Variants in MTM1 observed in about 807,000 individuals in gnomAD.
MTM1 encodes myotubularin 1, also known as myotubularin.
MTM1 carries 9 observed loss-of-function variants against 52.1 expected under a neutral mutation model. The observed-to-expected ratio is 0.17, with a 90% CI of 0.10 to 0.30. The LOEUF is 0.30. Ranked by LOEUF, MTM1 falls within the 10% of genes least tolerant of loss-of-function variation. MTM1 has a pLI of 1.00. For synonymous variants in MTM1, 136 were observed against 163.8 expected (o/e 0.83, Z 1.29); for missense variants, 277 against 470.7 (o/e 0.59, Z 3.81).
At chrX:150,623,450 C>T (rs180770815) in intron 6 of MTM1, among the ~76,000 whole-genome samples, 1 of 109,676 alleles carries the variant, frequency 9.1e-6, no homozygotes, top group Non-Finnish European at 1.9e-5. Context: ...CTCGGGGTGA[C>T]GGGGACAAAC....
In MTM1 at chrX:150,660,392, A is replaced by C; in HGVS notation, c.1375A>C (p.Asn459His). The change falls in exon 13 of 15, where the codon AAT becomes CAT. Residue 459 changes from asparagine (N) to histidine (H), a missense_variant. By Grantham distance (68) the Asn-to-His change is moderately conservative (BLOSUM62 1). Transcript: ENST00000370396. ...TTAGTTCCCTACAGCTTTTGAATTC[A>C]ATGAACAATTTTTGATTATAATTTT... ...SKQFPTAFEFNEQFLIIILDH... is the reference protein window; with the variant it reads ...SKQFPTAFEFHEQFLIIILDH... The C allele has an allele frequency of 8.4e-7, 1 of 1,194,359 alleles. No homozygotes were observed. Among genetic ancestry groups the C allele is most frequent in the Non-Finnish European group, 1.1e-6 (1 of 879,769 alleles).
chrX:150,606,663 A>T (rs1191137326), intron 4 of MTM1, among the ~76,000 whole-genome samples: 1 of 111,040 alleles, frequency 9.0e-6, no homozygotes, highest in Non-Finnish European at 1.9e-5. Flanking sequence ...TTATTTTCCA[A>T]AGTGAATCCC....
intron 1 of MTM1, among the ~76,000 whole-genome samples, chrX:150,581,526 G>A (rs141564582): frequency 9.6e-4 from 107 of 111,814 alleles, no homozygotes; most frequent in Middle Eastern, 9.3e-3. Context: ...CACAGACATG[G>A]ATTTCAGGGG....
At chrX:150,598,558 C>T (rs781856146) in intron 3 of MTM1, 34 bp from the exon 4 acceptor site, 1 of 871,640 alleles carries the variant, frequency 1.1e-6, no homozygotes, top group South Asian at 2.0e-5. Flanking sequence ...GTATCTATTT[C>T]CATTATTTTA....
intron 6 of MTM1, among the ~76,000 whole-genome samples, chrX:150,635,630 A>G (rs782222510): frequency 9.0e-6 from 1 of 111,608 alleles, no homozygotes; most frequent in East Asian, 2.8e-4. Context: ...TTATTGCTTT[A>G]TTTTTGTTTT....
chrX:150,605,131 C>T (rs2039133848), intron 4 of MTM1, among the ~76,000 whole-genome samples: 1 of 112,327 alleles, frequency 8.9e-6, no homozygotes, highest in Non-Finnish European at 1.9e-5. Flanking sequence ...GTGGGTCCAC[C>T]ACCCAGCTGA....
At chrX:150,584,379 T>C (rs2038743769) in intron 1 of MTM1, among the ~76,000 whole-genome samples, 1 of 110,557 alleles carries the variant, frequency 9.0e-6, no homozygotes, top group Admixed American at 9.8e-5. Flanking sequence ...ACATGGAAAA[T>C]CATATTATTT....
rs2038731361 is a variant in MTM1 at position 150,583,938 on chromosome X, T to TATATATTTAATATATATATAAA, written c.-10-8661_-10-8660insTTAATATATATATAAAATATAT. ...ATATAAAATATATATTAAATTAAAA[T>TATATATTTAATATATATATAAA]ATATATATTAAATATATGTTAAATA... On this transcript the variant is annotated intron_variant, in intron 1 of 14. Transcript: ENST00000370396. Among the ~76,000 whole-genome samples the TATATATTTAATATATATATAAA allele has an allele frequency of 3.2e-4, 19 of 60,026 alleles. 2 individuals carry two copies. Among genetic ancestry groups the TATATATTTAATATATATATAAA allele is most frequent in the African/African-American group, 9.8e-4 (16 of 16,269 alleles). The allele number at this position is 60,026 out of a possible 115,157, so 52.1% of individuals were successfully genotyped here.
At chrX:150,655,456 C>T (rs1309546559) in intron 10 of MTM1, among the ~76,000 whole-genome samples, 1 of 112,057 alleles carries the variant, frequency 8.9e-6, no homozygotes, top group Non-Finnish European at 1.9e-5. Context: ...TTCATGCCAG[C>T]ACTATTCATA....
At chrX:150,585,032 A>G (rs1364357711) in intron 1 of MTM1, among the ~76,000 whole-genome samples, 1 of 109,359 alleles carries the variant, frequency 9.1e-6, no homozygotes, top group Non-Finnish European at 1.9e-5. Context: ...GGCTGACTAT[A>G]TTAGAAATAT....
chrX:150,591,424 C>G (rs1316256509), intron 1 of MTM1, among the ~76,000 whole-genome samples: 2 of 112,726 alleles, frequency 1.8e-5, no homozygotes, highest in East Asian at 5.6e-4. Flanking sequence ...GTGTTGAACT[C>G]TCACGGGGGA....
chrX:150,637,923 C>T (rs2039778535), intron 6 of MTM1, among the ~76,000 whole-genome samples: 1 of 112,219 alleles, frequency 8.9e-6, no homozygotes, highest in African/African-American at 3.2e-5. Flanking sequence ...TTACTCCTCG[C>T]AAAGTGGAAA....
At chrX:150,629,407 G>A (rs1216237196) in intron 6 of MTM1, among the ~76,000 whole-genome samples, 3 of 111,580 alleles carry the variant, frequency 2.7e-5, no homozygotes, top group African/African-American at 9.8e-5. Context: ...GGCATTCTCT[G>A]GGCCTCATAG....
At chrX:150,627,430 C>T (rs1171584893) in intron 6 of MTM1, among the ~76,000 whole-genome samples, 4 of 111,662 alleles carry the variant, frequency 3.6e-5, no homozygotes, top group Admixed American at 1.9e-4. Flanking sequence ...TCTTCTACTT[C>T]GGCTGTGCCT....
At chrX:150,630,602 C>T (rs1022974034) in intron 6 of MTM1, among the ~76,000 whole-genome samples, 2 of 111,454 alleles carry the variant, frequency 1.8e-5, no homozygotes, top group Non-Finnish European at 3.8e-5. Flanking sequence ...GATGTTTGGT[C>T]TTTTTCTTGT....
chrX:150,649,286 G>A (rs1557414110), intron 9 of MTM1, among the ~76,000 whole-genome samples: 1 of 112,580 alleles, frequency 8.9e-6, no homozygotes, highest in Non-Finnish European at 1.9e-5. Flanking sequence ...AATGCATCAC[G>A]TCCTACGTGA....
At chrX:150,584,740 A>G (rs1156704107) in intron 1 of MTM1, among the ~76,000 whole-genome samples, 1 of 111,501 alleles carries the variant, frequency 9.0e-6, no homozygotes, top group African/African-American at 3.3e-5. Context: ...GAGGATACCA[A>G]AATCCTTGGA....
chrX:150,666,406 C>G (rs2040305209), intron 14 of MTM1, among the ~76,000 whole-genome samples: 1 of 112,551 alleles, frequency 8.9e-6, no homozygotes, highest in Non-Finnish European at 1.9e-5. Flanking sequence ...TCTGATGATA[C>G]AGTCATGCCA....
chrX:150,608,332 C>T (rs2039207005), intron 4 of MTM1, among the ~76,000 whole-genome samples: 1 of 111,335 alleles, frequency 9.0e-6, no homozygotes, highest in Non-Finnish European at 1.9e-5. Context: ...AGTCCTCCCA[C>T]CTCAACTTCC....
Sources: allele counts gnomAD v4.1 joint callset (sites outside exome capture counted in the v4.1 genomes callset), GRCh38; gene constraint gnomAD v4.1.1; transcripts MANE v1.5; gene names NCBI Gene and HGNC (gene_info 2026-07-23, HGNC 2026-07-21).